The following KRI1 variants were observed in gnomAD, a reference collection of about 807,000 sequenced individuals.
KRI1 encodes KRI1 homolog.
A neutral mutation model predicts 97.0 loss-of-function variants in KRI1; 83 were observed. The observed-to-expected ratio is 0.86, with a 90% CI of 0.72 to 1.03. The LOEUF (loss-of-function observed/expected upper bound fraction) is 1.03. Among genes scored for constraint, KRI1 ranks in the 50% least tolerant of loss-of-function variants. KRI1 has a pLI of 0.00. For missense variants in KRI1, 916 were observed against 928.4 expected (o/e 0.99, Z 0.17); for synonymous variants, 371 against 363.5 (o/e 1.02, Z -0.23).
intron 2 of KRI1, chr19:10,565,492 G>C: frequency 1.7e-6 from 1 of 588,384 alleles, no homozygotes; most frequent in Non-Finnish European, 2.9e-6. Context: ...CCACACATCA[G>C]AGTGGGCAGG....
At chr19:10,556,981 CAAAA>C (rs777747260) in intron 16 of KRI1, among the ~76,000 whole-genome samples, 3 of 150,980 alleles carry the variant, frequency 2.0e-5, no homozygotes, top group Non-Finnish European at 4.4e-5. Flanking sequence ...GACTATGTCT[CAAAA>C]AAAAGAAGTA....
At chr19:10,558,590 A>T (rs1301817911) in intron 12 of KRI1, among the ~76,000 whole-genome samples, 1 of 151,782 alleles carries the variant, frequency 6.6e-6, no homozygotes, top group Non-Finnish European at 1.5e-5. Context: ...TTGCCCAAGC[A>T]GGAGTGCAAT....
At chr19:10,565,842 C>A (rs1340297519) in intron 1 of KRI1, 52 bp from the exon 2 acceptor site, 2 of 1,545,260 alleles carry the variant, frequency 1.3e-6, no homozygotes, top group Admixed American at 2.0e-5. Context: ...CGGGGCCACT[C>A]GACTCCCCAC....
rs769855781 is a variant in KRI1 at position 10,565,785 on chromosome 19, C to T, written c.100G>A (p.Asp34Asn). 2 of 1,573,504 alleles carry T rather than the reference C, an allele frequency of 1.3e-6. No individual in the cohort carries two copies. The highest frequency in any genetic ancestry group is 2.3e-5 in the South Asian group (2 of 86,576). The change falls in exon 2 of 19, where the codon GAT becomes AAT. Residue 34 changes from aspartate to asparagine, a missense_variant. Physicochemically the swap from Asp to Asn is conservative, Grantham distance 23. Coordinates refer to ENST00000312962, the MANE Select transcript of KRI1 (RefSeq NM_023008.5). Reference sequence around the variant, plus strand: ...CTGCTGTCTCGGTCCCCGTAGCGATCCTTCACTGCGGGACACAGACGGGAT... The same window carrying T: ...CTGCTGTCTCGGTCCCCGTAGCGATTCTTCACTGCGGGACACAGACGGGAT... ...REREELQRLK[D>N]RYGDRDSSSD... is the part of the protein sequence containing the mutation.
At position 10,560,994 on chromosome 19, in the gene KRI1, A is replaced by G; in HGVS notation, c.663+9T>C. The G allele has an allele frequency of 6.2e-7, 1 of 1,609,582 alleles. No homozygotes were observed. Among genetic ancestry groups the G allele is most frequent in the South Asian group, 1.1e-5 (1 of 91,012 alleles). On this transcript the variant is annotated intron_variant, in intron 8 of 18. Transcript: ENST00000312962. ...TCTACTCCATCAGCGACCATGCGTGAGAACTCACCAGTTCCTTCAGGGAAT... is the reference window on the plus strand; with the variant it reads ...TCTACTCCATCAGCGACCATGCGTGGGAACTCACCAGTTCCTTCAGGGAAT...
intron 12 of KRI1, among the ~76,000 whole-genome samples, chr19:10,559,001 G>A (rs1298848760): frequency 1.5e-5 from 2 of 129,926 alleles, no homozygotes; most frequent in African/African-American, 2.6e-5. Context: ...CACTGCACCC[G>A]GCCAGGTCTT....
chr19:10,554,000 T>C lies in KRI1; in HGVS notation c.2063A>G (p.Gln688Arg), dbSNP rs750066788. 6.2e-7 allele frequency: 1 copy of C among 1,612,880 alleles called. No individual in the cohort carries two copies. The highest frequency in any genetic ancestry group is 8.5e-7 in the Non-Finnish European group (1 of 1,179,250). The change falls in exon 19 of 19, where the codon CAG (glutamine) becomes CGG (arginine). Residue 688 changes from glutamine to arginine, a missense_variant. Transcript: ENST00000312962. Reference sequence around the variant, plus strand: ...TTGTTTCCTCCGCTGCCGGCCCAGCTGGCGGAAGTGCAGCCGTTTGGGGTT... The same window carrying C: ...TTGTTTCCTCCGCTGCCGGCCCAGCCGGCGGAAGTGCAGCCGTTTGGGGTT... ...GLNPKRLHFR[Q>R]LGRQRRKQQG...
At position 10,557,867 on chromosome 19, in the gene KRI1, G is replaced by A. The variant is rs375673634; in HGVS notation, c.1388C>T (p.Pro463Leu). Reference sequence around the variant, plus strand: ...GGGGGCCTCGCGCTTTTTCTTCCTCGGCTGGCTGGGGTCGTAGTCGGCGTC... The same window carrying A: ...GGGGGCCTCGCGCTTTTTCTTCCTCAGCTGGCTGGGGTCGTAGTCGGCGTC... ...NMDADYDPSQ[P>L]RKKKREAPLT... Residue 463 changes from proline to leucine, a missense_variant, in exon 15 of 19, where the codon CCG (proline) becomes CTG (leucine). By Grantham distance (98) the Pro-to-Leu change is moderately conservative. Around this residue, in one of 3 missense-constraint regions of KRI1, gnomAD observed 672 missense variants for 667.2 expected, o/e 1.01. Coordinates refer to ENST00000312962, the MANE Select transcript of KRI1 (RefSeq NM_023008.5). 80 of 1,613,384 alleles carry A rather than the reference G, an allele frequency of 5.0e-5. No homozygotes were observed. Among genetic ancestry groups the A allele is most frequent in the Non-Finnish European group, 5.8e-5 (68 of 1,179,922 alleles).
Position 10,553,672 on chromosome 19 carries a change from C to G in KRI1, c.*279G>C, listed in dbSNP as rs1464506730. ...CTCTCTGTAGCCTCAAACTCATGGCCTTAAGTGATCTTCCTTCCCCAGCCT... is the reference window on the plus strand; with the variant it reads ...CTCTCTGTAGCCTCAAACTCATGGCGTTAAGTGATCTTCCTTCCCCAGCCT... On this transcript the variant is annotated 3_prime_UTR_variant, in exon 19 of 19. Coordinates refer to ENST00000312962, the MANE Select transcript of KRI1 (RefSeq NM_023008.5). 1 of 383,978 alleles carries G rather than the reference C, an allele frequency of 2.6e-6. No individual in the cohort carries two copies. Among genetic ancestry groups the G allele is most frequent in the Non-Finnish European group, 4.7e-6 (1 of 213,632 alleles). The allele number at this position is 383,978 out of a possible 1,614,324, so 23.8% of individuals were successfully genotyped here.
chr19:10,565,822 G>C (rs761405225), intron 1 of KRI1, 32 bp from the exon 2 acceptor site: 3 of 1,469,198 alleles, frequency 2.0e-6, no homozygotes, highest in Non-Finnish European at 2.7e-6. Context: ...CCCCCCCCCA[G>C]GTCAGCCGGC....
chr19:10,554,263 T>A lies in KRI1; in HGVS notation c.1800A>T (p.Glu600Asp). 6.2e-7 allele frequency: 1 copy of A among 1,613,868 alleles called. No homozygotes were observed. ...CATCTCTCTGTGGCTTCCCTGTGGCTTCCGCAGGTGTCTCTGCCCTGAGGG... is the reference window on the plus strand; with the variant it reads ...CATCTCTCTGTGGCTTCCCTGTGGCATCCGCAGGTGTCTCTGCCCTGAGGG... The part of the protein sequence containing the change: ...LCREEAETPA[E>D]ATGKPQRDEA... Residue 600 changes from glutamate (E) to aspartate (D), a missense_variant, in exon 19 of 19, where the codon GAA becomes GAT. Physicochemically the swap from Glu to Asp is conservative, Grantham distance 45. Coordinates refer to ENST00000312962, the MANE Select transcript of KRI1 (RefSeq NM_023008.5).
At chr19:10,554,347 G>T in intron 18 of KRI1, 66 bp from the exon 19 acceptor site, 2 of 1,373,558 alleles carry the variant, frequency 1.5e-6, no homozygotes, top group Non-Finnish European at 2.1e-6. Context: ...GAGCACGCAT[G>T]CCCCATTTTA....
rs768924734 is a variant in KRI1 at position 10,559,814 on chromosome 19, G to A, written c.923C>T (p.Ala308Val). The change falls in exon 10 of 19, where the codon GCA becomes GTA. Residue 308 changes from alanine to valine, a missense_variant. Coordinates refer to ENST00000312962, the MANE Select transcript of KRI1 (RefSeq NM_023008.5). ...YNFRFEEPDS[A>V]SVKTYPRSIA... ...TCCCCAGCCCCAGCCACACACCGAT[G>A]CTGAGTCCGGCTCCTCGAAACGGAA... The A allele has an allele frequency of 6.2e-7, 1 of 1,613,872 alleles. No individual in the cohort carries two copies. Among genetic ancestry groups the A allele is most frequent in the South Asian group, 1.1e-5 (1 of 91,086 alleles).
chr19:10,553,712 A>C lies in KRI1; in HGVS notation c.*239T>G, dbSNP rs529299752. 4.1e-6 allele frequency: 2 copies of C among 485,206 alleles called. No individual in the cohort carries two copies. The highest frequency in any genetic ancestry group is 7.0e-5 in the East Asian group (2 of 28,570). 30.1% of individuals were successfully genotyped at this position (485,206 alleles called of 1,614,324 possible). A position where few individuals can be genotyped will look rare whatever the true frequency, so the allele number is the denominator to read the frequency against. On this transcript the variant is annotated 3_prime_UTR_variant, in exon 19 of 19. Transcript: ENST00000312962. ...TTCCCCAGCCTCCTGAGTAGCTGGGACTACAGGCATGTGTCACCACATTTT... is the reference window on the plus strand; with the variant it reads ...TTCCCCAGCCTCCTGAGTAGCTGGGCCTACAGGCATGTGTCACCACATTTT...
chr19:10,565,626 G>A, intron 2 of KRI1, 91 bp downstream of exon 2: 1 of 1,455,386 alleles, frequency 6.9e-7, no homozygotes, highest in South Asian at 1.3e-5. Context: ...GCGCTCTGGG[G>A]TTGGGGGTTC....
chr19:10,555,236 C>CCCGCCCTGCCCGCAGCGCAACTGGCT (rs6146467), intron 17 of KRI1, 49 bp downstream of exon 17: 14 of 1,604,914 alleles, frequency 8.7e-6, no homozygotes, highest in Non-Finnish European at 1.2e-5. Context: ...CCCGAGGCTG[C>CCCGCCCTGCCCGCAGCGCAACTGGCT]CCGCCCTGCC....
chr19:10,559,723 A>G lies in KRI1; in HGVS notation c.928-15T>C, dbSNP rs778330814. 20 of 1,614,006 alleles carry G rather than the reference A, an allele frequency of 1.2e-5. No homozygotes were observed. Among genetic ancestry groups the G allele is most frequent in the Non-Finnish European group, 1.6e-5 (19 of 1,179,964 alleles). ...TAGGTCTTGACCTAGGCGCAATCAG[A>G]AAAGCCCACAAGGGCCGCAGAGATG... On this transcript the variant is annotated splice_polypyrimidine_tract_variant and intron_variant, in intron 10 of 18. Transcript: ENST00000312962.
At chr19:10,554,979 G>T (rs1184939005) in intron 18 of KRI1, 108 bp downstream of exon 18, 3 of 854,570 alleles carry the variant, frequency 3.5e-6, no homozygotes, top group African/African-American at 3.4e-5. Flanking sequence ...TCTCAGAGCG[G>T]GGGGCGCTGC....
intron 2 of KRI1, 150 bp from the exon 3 acceptor site, chr19:10,565,184 G>A: frequency 3.0e-6 from 2 of 665,356 alleles, no homozygotes; most frequent in South Asian, 1.6e-5. Flanking sequence ...AGGAGGGAGA[G>A]GGGCCCTCTT....
Sources: gnomAD v4.1 joint callset for allele counts (sites outside exome capture counted in the v4.1 genomes callset) on GRCh38, gnomAD v4.1.1 for gene constraint, gnomAD v4.1.1 regional missense constraint, MANE v1.5 for transcripts, NCBI Gene and HGNC (gene_info 2026-07-23, HGNC 2026-07-21) for gene names.